The following SH3PXD2A variants were observed in gnomAD, a reference collection of about 807,000 sequenced individuals.
The protein encoded by SH3PXD2A is SH3 and PX domains 2A.
In SH3PXD2A, 32 loss-of-function variants were observed where a neutral mutation model predicts 115.2. The observed-to-expected ratio is 0.28, with a 90% CI of 0.21 to 0.37. SH3PXD2A has a LOEUF of 0.37. Among genes scored for constraint, SH3PXD2A ranks in the 10% least tolerant of loss-of-function variants. SH3PXD2A has a pLI of 1.00. For synonymous variants in SH3PXD2A, 610 were observed against 629.1 expected, an observed-to-expected ratio of 0.97 and a Z score of 0.45; for missense variants, 1,328 against 1,498.7, an observed-to-expected ratio of 0.89 and a Z score of 1.88.
chr10:103,608,165 A>AAGTTTAC (rs2036360533), intron 13 of SH3PXD2A, among the ~76,000 whole-genome samples: 1 of 146,054 alleles, frequency 6.8e-6, no homozygotes, highest in Non-Finnish European at 1.5e-5. Flanking sequence ...AAAAAAAAAA[A>AAGTTTAC]AAAAAGAACA....
chr10:103,804,929 G>A (rs943052550), intron 1 of SH3PXD2A, among the ~76,000 whole-genome samples: 16 of 152,152 alleles, frequency 1.1e-4, no homozygotes, highest in African/African-American at 3.9e-4. Flanking sequence ...CTTCCCACAG[G>A]CCCTGGGGCA....
rs1208242240 is a variant in SH3PXD2A at position 103,756,588 on chromosome 10, A to C, written c.229+10506T>G. Among the ~76,000 whole-genome samples the C allele has an allele frequency of 6.6e-6, 1 of 152,062 alleles. No homozygotes were observed. Reference sequence around the variant, plus strand: ...TTCATATGCTCCAAAGGCTTCGGCCACCTCAGGGAGGAGGGAGGAAGTCCT... The same window carrying C: ...TTCATATGCTCCAAAGGCTTCGGCCCCCTCAGGGAGGAGGGAGGAAGTCCT... On this transcript the variant is annotated intron_variant, in intron 3 of 14. Transcript: ENST00000369774. The surrounding 1 kb of genome is among the most constrained non-coding windows in gnomAD (Gnocchi z 4.4).
intron 5 of SH3PXD2A, among the ~76,000 whole-genome samples, chr10:103,709,085 C>T (rs897958809): frequency 6.6e-6 from 1 of 152,076 alleles, no homozygotes; most frequent in African/African-American, 2.4e-5. Context: ...CACAGCCAAG[C>T]TCCTGCCTCT....
intron 1 of SH3PXD2A, among the ~76,000 whole-genome samples, chr10:103,843,969 C>T (rs1165629877): frequency 1.3e-5 from 2 of 152,224 alleles, no homozygotes; most frequent in African/African-American, 4.8e-5. Context: ...TCTAACCTGA[C>T]ATCCCCACTT....
chr10:103,689,085 G>C (rs2037715897), intron 6 of SH3PXD2A, among the ~76,000 whole-genome samples: 1 of 152,110 alleles, frequency 6.6e-6, no homozygotes, highest in African/African-American at 2.4e-5. Context: ...TGTTGCCCAG[G>C]CTGGTCTCGA....
chr10:103,640,682 G>C (rs1389590743), intron 8 of SH3PXD2A, among the ~76,000 whole-genome samples: 2 of 152,238 alleles, frequency 1.3e-5, no homozygotes, highest in East Asian at 1.9e-4. Flanking sequence ...TTCCAGAGTA[G>C]AGAAGGGCAG....
chr10:103,747,542 G>T (rs1482950443), intron 3 of SH3PXD2A, among the ~76,000 whole-genome samples: 2 of 152,330 alleles, frequency 1.3e-5, no homozygotes, highest in East Asian at 3.9e-4. Flanking sequence ...AGGGGCACGA[G>T]GCCTCTGGAG....
At chr10:103,824,231 C>G (rs899753355) in intron 1 of SH3PXD2A, among the ~76,000 whole-genome samples, 1 of 152,186 alleles carries the variant, frequency 6.6e-6, no homozygotes, top group African/African-American at 2.4e-5. Flanking sequence ...TGGCTTGGAG[C>G]TTTGATTTCC....
At chr10:103,692,995 G>A in intron 6 of SH3PXD2A, 33 bp downstream of exon 6, 3 of 1,595,522 alleles carry the variant, frequency 1.9e-6, no homozygotes, top group Non-Finnish European at 2.6e-6. Context: ...CGGGAAGGAA[G>A]GCTGAAGGGA....
intron 5 of SH3PXD2A, among the ~76,000 whole-genome samples, chr10:103,699,972 A>C (rs780281166): frequency 7.2e-5 from 11 of 152,186 alleles, no homozygotes; most frequent in Non-Finnish European, 1.6e-4. Context: ...GCCAGATGCT[A>C]TGGCCATCAT....
intron 6 of SH3PXD2A, among the ~76,000 whole-genome samples, chr10:103,681,460 T>C (rs11191762): frequency 0.4 from 61,377 of 152,148 alleles, 13,014 homozygotes; most frequent in East Asian, 0.62. Context: ...TCAGAAGCCC[T>C]GGGAAGCCTG....
intron 8 of SH3PXD2A, among the ~76,000 whole-genome samples, chr10:103,635,425 C>T (rs949225069): frequency 2.6e-5 from 4 of 152,350 alleles, no homozygotes; most frequent in African/African-American, 9.6e-5. Flanking sequence ...CCCTCTGATA[C>T]CCGCCAGGGC....
intron 4 of SH3PXD2A, among the ~76,000 whole-genome samples, chr10:103,725,459 TGGG>T (rs1307828735): frequency 1.3e-5 from 2 of 151,988 alleles, no homozygotes; most frequent in African/African-American, 2.4e-5. Context: ...GGCAAGTGCG[TGGG>T]CCAGCTGTGA....
chr10:103,713,942 A>G (rs968196995), intron 5 of SH3PXD2A, among the ~76,000 whole-genome samples: 1 of 152,172 alleles, frequency 6.6e-6, no homozygotes, highest in African/African-American at 2.4e-5. Context: ...CTACTTCTGA[A>G]GTCCCGGGCC....
chr10:103,737,587 T>G lies in SH3PXD2A; in HGVS notation c.230-1779A>C, dbSNP rs550176223. Among the ~76,000 whole-genome samples the G allele has an allele frequency of 2.0e-5, 3 of 152,250 alleles. No homozygotes were observed. The South Asian group carries it at 6.2e-4, about 32-fold the overall frequency. On this transcript the variant is annotated intron_variant, in intron 3 of 14. Transcript: ENST00000369774. ...GTGGGCAACTAGAGCTCAATTCTGC[T>G]GGGGGGCTCCAGGAGATGACAGAGA... is the stretch of plus-strand genomic sequence containing the variant.
In SH3PXD2A at chr10:103,666,561, T is replaced by A. The variant is rs954631053; in HGVS notation, c.472+2047A>T. On this transcript the variant is annotated intron_variant, in intron 7 of 14. Transcript: ENST00000369774. The surrounding 1 kb of genome is among the most constrained non-coding windows in gnomAD (Gnocchi z 4.5). ...GGACATAGTAATTACCTGAAATTCA[T>A]GATGGAAATGCTTAGAATTAGAGTC... is the stretch of plus-strand genomic sequence containing the variant. 2.0e-5 allele frequency among the ~76,000 whole-genome samples: 3 copies of A among 152,186 alleles called. No individual in the cohort carries two copies. The highest frequency in any genetic ancestry group is 7.2e-5 in the African/African-American group (3 of 41,438).
chr10:103,647,353 T>C (rs1381691150), intron 8 of SH3PXD2A, among the ~76,000 whole-genome samples: 4 of 152,164 alleles, frequency 2.6e-5, no homozygotes, highest in Non-Finnish European at 5.9e-5. Context: ...GAACCACTTC[T>C]AGAATGGATT....
intron 7 of SH3PXD2A, among the ~76,000 whole-genome samples, chr10:103,662,895 C>A (rs1367871728): frequency 6.6e-6 from 1 of 152,026 alleles, no homozygotes; most frequent in Non-Finnish European, 1.5e-5. Context: ...GCCTTGACCT[C>A]CTGGATTCAA....
chr10:103,841,135 C>T (rs796968309), intron 1 of SH3PXD2A, among the ~76,000 whole-genome samples: 9 of 152,250 alleles, frequency 5.9e-5, no homozygotes, highest in African/African-American at 2.2e-4. Flanking sequence ...AGTATGAGGT[C>T]GGAGGGGAAG....
Sources: allele counts gnomAD v4.1 joint callset (sites outside exome capture counted in the v4.1 genomes callset), GRCh38; gene constraint gnomAD v4.1.1; non-coding constraint Gnocchi (gnomAD v3.1); transcripts MANE v1.5; gene names NCBI Gene and HGNC (gene_info 2026-07-23, HGNC 2026-07-21).